Variants in CDH18 observed in about 807,000 individuals in gnomAD.
CDH18 encodes cadherin 18.
In CDH18, 31 loss-of-function variants were observed where a neutral mutation model predicts 67.9. That is an observed-to-expected ratio of 0.46 (90% CI 0.34 to 0.62). The LOEUF (loss-of-function observed/expected upper bound fraction) is 0.62, where lower values mean the gene tolerates loss of function less well. Among genes scored for constraint, CDH18 ranks in the 20% least tolerant of loss-of-function variants. The pLI, the probability that CDH18 is intolerant of heterozygous loss-of-function variation, is 0.01. For missense variants in CDH18, 890 were observed against 975.5 expected (o/e 0.91, Z 1.17); for synonymous variants, 362 against 347.2 (o/e 1.04, Z -0.48).
chr5:20,535,694 C>T (rs1190734852), intron 1 of CDH18, among the ~76,000 whole-genome samples: 1 of 152,106 alleles, frequency 6.6e-6, no homozygotes, highest in Non-Finnish European at 1.5e-5. Flanking sequence ...CTGTTTTCAG[C>T]TCTCAAAAGT....
intron 2 of CDH18, among the ~76,000 whole-genome samples, chr5:20,248,599 C>G (rs1743565949): frequency 6.6e-6 from 1 of 152,186 alleles, no homozygotes; most frequent in Non-Finnish European, 1.5e-5. Context: ...CTCTCAACAA[C>G]TCTATCTAGA....
At chr5:20,117,989 G>A (rs1440003000) in intron 2 of CDH18, among the ~76,000 whole-genome samples, 1 of 152,150 alleles carries the variant, frequency 6.6e-6, no homozygotes, top group Non-Finnish European at 1.5e-5. Context: ...GAGGTGTGTG[G>A]GGGGAGAGTA....
At chr5:19,564,345 G>A (rs966091396) in intron 8 of CDH18, among the ~76,000 whole-genome samples, 1 of 152,170 alleles carries the variant, frequency 6.6e-6, no homozygotes, top group Non-Finnish European at 1.5e-5. Flanking sequence ...GTAGAAGTGA[G>A]GAAGGAGTAA....
intron 1 of CDH18, among the ~76,000 whole-genome samples, chr5:20,297,944 A>C (rs2149959411): frequency 6.6e-6 from 1 of 152,304 alleles, no homozygotes; most frequent in South Asian, 2.1e-4. Flanking sequence ...ACTTGACAAT[A>C]CCTGTAATAC....
intron 2 of CDH18, among the ~76,000 whole-genome samples, chr5:20,092,641 T>C (rs115867760): frequency 0.024 from 3,607 of 152,284 alleles, 141 homozygotes; most frequent in African/African-American, 0.077. Context: ...TTAAGGTTCA[T>C]CTTATCTATC....
chr5:20,415,318 C>T (rs538496854), intron 1 of CDH18, among the ~76,000 whole-genome samples: 4 of 150,476 alleles, frequency 2.7e-5, no homozygotes, highest in Non-Finnish European at 5.9e-5. Flanking sequence ...ACTTGGGAGG[C>T]GGAGGTTGCA....
At chr5:19,799,471 C>T (rs922005054) in intron 3 of CDH18, among the ~76,000 whole-genome samples, 1 of 148,974 alleles carries the variant, frequency 6.7e-6, no homozygotes, top group Admixed American at 6.7e-5. Context: ...CACACACACA[C>T]ACCACATACA....
At chr5:20,538,689 TATTTC>T (rs1756863233) in intron 1 of CDH18, among the ~76,000 whole-genome samples, 1 of 152,134 alleles carries the variant, frequency 6.6e-6, no homozygotes, top group South Asian at 2.1e-4. Context: ...GACAGAAAGA[TATTTC>T]ATTTCATTTA....
At chr5:20,195,170 T>C (rs1487109097) in intron 2 of CDH18, among the ~76,000 whole-genome samples, 1 of 152,052 alleles carries the variant, frequency 6.6e-6, no homozygotes, top group Non-Finnish European at 1.5e-5. Context: ...CATCATAGAC[T>C]TAAATTTGTA....
intron 2 of CDH18, among the ~76,000 whole-genome samples, chr5:20,198,773 C>T (rs977800337): frequency 6.6e-6 from 1 of 152,174 alleles, no homozygotes; most frequent in African/African-American, 2.4e-5. Context: ...TTTCCTGGGC[C>T]TGGCCCAGGG....
intron 2 of CDH18, among the ~76,000 whole-genome samples, chr5:20,242,611 A>AATATATAT (rs1554106656): frequency 2.5e-5 from 1 of 39,484 alleles, no homozygotes; most frequent in African/African-American, 1.1e-4. Context: ...AAAAAAAAAA[A>AATATATAT]ATATATATAT....
At chr5:20,352,783 A>G (rs987088555) in intron 1 of CDH18, among the ~76,000 whole-genome samples, 1 of 151,652 alleles carries the variant, frequency 6.6e-6, no homozygotes, top group Non-Finnish European at 1.5e-5. Context: ...ATAGAGAGAG[A>G]CTCTGTCTCA....
At chr5:19,958,828 T>C (rs1796522758) in intron 2 of CDH18, among the ~76,000 whole-genome samples, 1 of 152,050 alleles carries the variant, frequency 6.6e-6, no homozygotes, top group South Asian at 2.1e-4. Context: ...GGTTCTATCT[T>C]ATGGAGAATG....
chr5:19,862,204 A>G, intron 2 of CDH18, among the ~76,000 whole-genome samples: 1 of 44,804 alleles, frequency 2.2e-5, no homozygotes, highest in South Asian at 1.1e-3. Context: ...TGAAACAAAT[A>G]CATTACAGAA....
Position 19,885,781 on chromosome 5 carries a change from C to T in CDH18, c.-256-46539G>A, listed in dbSNP as rs572347315. Among the ~76,000 whole-genome samples, 255 of 152,226 alleles carry T rather than the reference C, an allele frequency of 1.7e-3. 1 individual carries two copies. Among genetic ancestry groups the T allele is most frequent in the African/African-American group, 5.9e-3 (244 of 41,560 alleles). On this transcript the variant is annotated intron_variant, in intron 2 of 12. Coordinates refer to ENST00000382275, the MANE Select transcript of CDH18 (RefSeq NM_004934.5). ...GCAGCTCTTCTATTATTTTTAAATA[C>T]AGCTATTTTTCATAACAACAGATGA... is the stretch of plus-strand genomic sequence containing the variant.
At chr5:19,797,333 C>G (rs1199426151) in intron 3 of CDH18, among the ~76,000 whole-genome samples, 1 of 151,638 alleles carries the variant, frequency 6.6e-6, no homozygotes, top group Non-Finnish European at 1.5e-5. Flanking sequence ...CTCAGTGCAA[C>G]TATAAGGCAG....
At chr5:19,992,431 T>C (rs1464570692), upstream of CDH18, among the ~76,000 whole-genome samples, 1 of 148,076 alleles carries the variant, frequency 6.8e-6, no homozygotes, top group Non-Finnish European at 1.5e-5. Context: ...ATAGAAAATA[T>C]AAAGTATATG....
chr5:19,506,293 T>A (rs377061328), intron 10 of CDH18, among the ~76,000 whole-genome samples: 1 of 152,144 alleles, frequency 6.6e-6, no homozygotes, highest in African/African-American at 2.4e-5. Context: ...TCCATGCTCA[T>A]GGGTAGGAAG....
At chr5:19,839,655 A>C (rs1451670553) in intron 2 of CDH18, among the ~76,000 whole-genome samples, 2 of 152,180 alleles carry the variant, frequency 1.3e-5, no homozygotes, top group Non-Finnish European at 2.9e-5. Flanking sequence ...ATCAAAGAAA[A>C]AGGTGGCTGA....
Sources: allele counts gnomAD v4.1 joint callset (sites outside exome capture counted in the v4.1 genomes callset), GRCh38; gene constraint gnomAD v4.1.1; transcripts MANE v1.5; gene names NCBI Gene and HGNC (gene_info 2026-07-23, HGNC 2026-07-21).